Variants in CACNA1E observed in about 807,000 individuals in gnomAD.
The protein encoded by CACNA1E is calcium voltage-gated channel subunit alpha1 E, also known as voltage-dependent R-type calcium channel subunit alpha-1E.
CACNA1E carries 40 observed loss-of-function variants against 259.2 expected under a neutral mutation model. The ratio of observed to expected loss-of-function variants is 0.15; its 90% CI spans 0.12 to 0.20. CACNA1E has a LOEUF of 0.20. CACNA1E is among the 10% of genes least tolerant of loss of function. CACNA1E has a pLI of 1.00. For synonymous variants in CACNA1E, 1,104 were observed against 1,138.5 expected, an observed-to-expected ratio of 0.97 and a Z score of 0.61; for missense variants, 1,874 against 3,040.1, an observed-to-expected ratio of 0.62 and a Z score of 9.02.
intron 18 of CACNA1E, among the ~76,000 whole-genome samples, chr1:181,728,517 C>CTGTGTACACTCTGCTCAGG (rs1198419763): frequency 1.3e-5 from 2 of 151,978 alleles, no homozygotes; most frequent in Non-Finnish European, 2.9e-5. Context: ...CCCCGCTCAG[C>CTGTGTACACTCTGCTCAGG]TGTGTACACT....
intron 2 of CACNA1E, among the ~76,000 whole-genome samples, chr1:181,437,127 G>A (rs1257015946): frequency 6.6e-6 from 1 of 152,160 alleles, no homozygotes; most frequent in African/African-American, 2.4e-5. Context: ...CTTGCCAGAG[G>A]CTTCTCTGAC....
intron 25 of CACNA1E, among the ~76,000 whole-genome samples, chr1:181,749,639 C>T (rs1412140341): frequency 1.3e-5 from 2 of 152,136 alleles, no homozygotes; most frequent in East Asian, 3.8e-4. Context: ...AAGATTTGCA[C>T]TAAAATTGCT....
At chr1:181,481,830 T>C (rs1655161031), upstream of CACNA1E, among the ~76,000 whole-genome samples, 1 of 147,206 alleles carries the variant, frequency 6.8e-6, no homozygotes, top group African/African-American at 2.5e-5. Context: ...ATACCAATTC[T>C]ATTTTTTTTT....
At chr1:181,422,759 T>A (rs3845429) in intron 2 of CACNA1E, among the ~76,000 whole-genome samples, 60,427 of 151,970 alleles carry the variant, frequency 0.4, 12,260 homozygotes, top group African/African-American at 0.45. Context: ...TTCCTCACCT[T>A]CAGGAGCCTG....
chr1:181,367,536 TAATC>T (rs1477077950), intron 1 of CACNA1E, among the ~76,000 whole-genome samples: 1 of 148,684 alleles, frequency 6.7e-6, no homozygotes, highest in Non-Finnish European at 1.5e-5. Flanking sequence ...TTTGAATTAA[TAATC>T]AATTATTTAT....
chr1:181,502,272 A>G (rs1665316293), intron 1 of CACNA1E, among the ~76,000 whole-genome samples: 1 of 152,232 alleles, frequency 6.6e-6, no homozygotes, highest in South Asian at 2.1e-4. Flanking sequence ...TGGACTACCC[A>G]AATAGGAAGA....
intron 30 of CACNA1E, among the ~76,000 whole-genome samples, chr1:181,757,399 A>G (rs1051769364): frequency 4.6e-5 from 7 of 152,220 alleles, no homozygotes; most frequent in African/African-American, 1.7e-4. Context: ...TGATAACTTC[A>G]GATATCTGCT....
At chr1:181,480,525 G>A (rs1051662748), upstream of CACNA1E, among the ~76,000 whole-genome samples, 4 of 152,170 alleles carry the variant, frequency 2.6e-5, no homozygotes, top group Admixed American at 2.6e-4. Context: ...AGTATTCTAG[G>A]TCTCTGAAGA....
intron 1 of CACNA1E, among the ~76,000 whole-genome samples, chr1:181,373,692 T>C (rs946286795): frequency 1.1e-4 from 17 of 152,084 alleles, no homozygotes; most frequent in South Asian, 4.2e-4. Context: ...CGCCTGCCAC[T>C]ACGCCCGGCT....
intron 3 of CACNA1E, among the ~76,000 whole-genome samples, chr1:181,542,749 C>T (rs1315916003): frequency 2.6e-5 from 4 of 151,662 alleles, no homozygotes; most frequent in Non-Finnish European, 4.4e-5. Context: ...TTCTTTATAG[C>T]AGTATGAAAT....
At chr1:181,607,810 A>G (rs1654374956) in intron 6 of CACNA1E, among the ~76,000 whole-genome samples, 1 of 152,094 alleles carries the variant, frequency 6.6e-6, no homozygotes, top group African/African-American at 2.4e-5. Context: ...GGAGATTAGG[A>G]ATGAGGCTGG....
At chr1:181,603,031 G>T (rs4651110) in intron 6 of CACNA1E, among the ~76,000 whole-genome samples, 1 of 152,140 alleles carries the variant, frequency 6.6e-6, no homozygotes, top group Non-Finnish European at 1.5e-5. Flanking sequence ...GGTGCCGTAA[G>T]AAGCCTTAAA....
chr1:181,596,557 CGTGTGTGTGTGTGTGT>C (rs60302499), intron 6 of CACNA1E, among the ~76,000 whole-genome samples: 16 of 140,596 alleles, frequency 1.1e-4, no homozygotes, highest in South Asian at 2.4e-4. Context: ...CCACCATGTA[CGTGTGTGTGTGTGTGT>C]GTGTGTGTGT....
In CACNA1E at chr1:181,758,121, G is replaced by C. The variant is rs57434679; in HGVS notation, c.4494+10G>C. The C allele has an allele frequency of 4.7e-5, 76 of 1,612,214 alleles. 2 individuals are homozygous for C. In the African/African-American group the frequency reaches 5.9e-4, roughly 12 times the overall value. ...TGTGCTGATGATGAAGGTGAGAGGA[G>C]AGAGGCACAAGAGCCGACTGAGCCC... On this transcript the variant is annotated intron_variant, in intron 31 of 47. Coordinates refer to ENST00000367573, the MANE Select transcript of CACNA1E (RefSeq NM_001205293.3). This position sits in a 1 kb window ranked among gnomAD's most constrained non-coding sequence, Gnocchi z 4.2.
At chr1:181,717,416 A>C in intron 11 of CACNA1E, 114 bp downstream of exon 11, 1 of 824,534 alleles carries the variant, frequency 1.2e-6, no homozygotes, top group African/African-American at 1.7e-5. Context: ...CTACCTCTTC[A>C]CGCTGTGAGG....
rs371950806 is a variant in CACNA1E at position 181,794,846 on chromosome 1, G to C, written c.6028-18G>C. The C allele has an allele frequency of 2.5e-6, 4 of 1,599,090 alleles. No individual in the cohort carries two copies. Among genetic ancestry groups the C allele is most frequent in the African/African-American group, 1.3e-5 (1 of 74,430 alleles). ...GTTAATCCATACCTTGTGTTTCTCT[G>C]GGGGCTTGTATTTCCAGGTGGTGAC... On this transcript the variant is annotated intron_variant, in intron 45 of 47. Transcript: ENST00000367573.
At chr1:181,774,722 C>T (rs1200634831) in intron 37 of CACNA1E, among the ~76,000 whole-genome samples, 3 of 152,238 alleles carry the variant, frequency 2.0e-5, no homozygotes, top group African/African-American at 7.2e-5. Context: ...AAGACTCCAA[C>T]CATGTCCTTC....
intron 1 of CACNA1E, among the ~76,000 whole-genome samples, chr1:181,507,282 G>A (rs963789482): frequency 6.6e-6 from 1 of 152,188 alleles, no homozygotes; most frequent in Non-Finnish European, 1.5e-5. Flanking sequence ...CTGGGAGTTT[G>A]ACTCATCAGC....
chr1:181,609,963 C>G (rs531134578), intron 6 of CACNA1E, among the ~76,000 whole-genome samples: 3 of 152,210 alleles, frequency 2.0e-5, no homozygotes, highest in African/African-American at 7.2e-5. Flanking sequence ...CAGGACAGAG[C>G]ACATCTCCAT....
Sources: gnomAD v4.1 joint callset for allele counts (sites outside exome capture counted in the v4.1 genomes callset) on GRCh38, gnomAD v4.1.1 for gene constraint, Gnocchi (gnomAD v3.1) non-coding constraint, MANE v1.5 for transcripts, NCBI Gene and HGNC (gene_info 2026-07-23, HGNC 2026-07-21) for gene names.